The following FARS2 variants were observed in gnomAD, a reference collection of about 807,000 sequenced individuals.
The protein encoded by FARS2 is phenylalanine--tRNA ligase, mitochondrial.
A neutral mutation model predicts 46.4 loss-of-function variants in FARS2; 40 were observed. The observed-to-expected ratio is 0.86, with a 90% CI of 0.67 to 1.12. FARS2 has a LOEUF of 1.12. Among genes scored for constraint, FARS2 ranks in the 50% most tolerant of loss-of-function variants. The probability of loss-of-function intolerance (pLI) is 0.00; values close to 1 mark genes in which losing one functional copy is unlikely to be tolerated. For synonymous variants in FARS2, 234 were observed against 214.9 expected, an observed-to-expected ratio of 1.09 and a Z score of -0.78; for missense variants, 513 against 567.9, an observed-to-expected ratio of 0.90 and a Z score of 0.98.
chr6:5,273,410 T>C (rs1244056987), intron 1 of FARS2, among the ~76,000 whole-genome samples: 9 of 152,220 alleles, frequency 5.9e-5, no homozygotes, highest in Admixed American at 3.9e-4. Flanking sequence ...ATTTCTCTGA[T>C]GATTAGTGAT....
At chr6:5,502,667 A>T (rs866647520) in intron 4 of FARS2, among the ~76,000 whole-genome samples, 1 of 152,236 alleles carries the variant, frequency 6.6e-6, no homozygotes, top group South Asian at 2.1e-4. Context: ...GCATTTTTGC[A>T]TATTGTTTTC....
rs144175346 is a variant in FARS2, at chr6:5,398,758, G to A, written c.613-5784G>A. On this transcript the variant is annotated intron_variant, in intron 2 of 6. Transcript: ENST00000274680. ...ATTCATATGAGTACCTCCAATCTAA[G>A]CCAACACCACATGGCTCATTCTAGC... Among the ~76,000 whole-genome samples the A allele has an allele frequency of 3.9e-3, 598 of 152,184 alleles. 2 individuals are homozygous for A. Among genetic ancestry groups the A allele is most frequent in the African/African-American group, 0.014 (579 of 41,510 alleles).
intron 3 of FARS2, among the ~76,000 whole-genome samples, chr6:5,424,920 G>C (rs78517203): frequency 1.4e-3 from 217 of 152,296 alleles, no homozygotes; most frequent in Middle Eastern, 6.8e-3. Context: ...GCGGCTGCAC[G>C]ATTTCCCGTG....
intron 1 of FARS2, among the ~76,000 whole-genome samples, chr6:5,280,548 T>C (rs1487993652): frequency 6.6e-6 from 1 of 152,188 alleles, no homozygotes; most frequent in Non-Finnish European, 1.5e-5. Flanking sequence ...TAAACTAAAA[T>C]CATTTTCTAG....
At chr6:5,563,574 CCTT>C (rs1159637637) in intron 5 of FARS2, among the ~76,000 whole-genome samples, 2 of 152,152 alleles carry the variant, frequency 1.3e-5, no homozygotes, top group African/African-American at 2.4e-5. Context: ...GGGGATGACT[CCTT>C]CTGGCTACTT....
At chr6:5,272,342 G>T (rs1351232742) in intron 1 of FARS2, 1 of 152,020 alleles carries the variant, frequency 6.6e-6, no homozygotes, top group African/African-American at 2.4e-5. Context: ...AGTTTTTCTT[G>T]TTGAATTAAT....
At chr6:5,279,886 C>G (rs979714884) in intron 1 of FARS2, among the ~76,000 whole-genome samples, 27 of 152,192 alleles carry the variant, frequency 1.8e-4, no homozygotes, top group African/African-American at 6.5e-4. Context: ...TCTGCTGATT[C>G]AAGTGTTAAT....
At chr6:5,262,499 G>C (rs1309948280) in intron 1 of FARS2, among the ~76,000 whole-genome samples, 1 of 152,012 alleles carries the variant, frequency 6.6e-6, no homozygotes, top group Non-Finnish European at 1.5e-5. Flanking sequence ...GGCTGGTCTC[G>C]AACTCCTGAC....
At chr6:5,606,077 A>C (rs1235511578) in intron 5 of FARS2, among the ~76,000 whole-genome samples, 1 of 152,100 alleles carries the variant, frequency 6.6e-6, no homozygotes, top group Non-Finnish European at 1.5e-5. Context: ...GAAGCTCCGC[A>C]GTATGGATTA....
intron 4 of FARS2, among the ~76,000 whole-genome samples, chr6:5,486,645 A>C (rs1191660362): frequency 1.3e-5 from 2 of 152,170 alleles, no homozygotes; most frequent in South Asian, 4.1e-4. Context: ...GAACAACAGG[A>C]CTTTTAAAAT....
At position 5,343,210 on chromosome 6, in the gene FARS2, TTATC is replaced by T. The variant is rs1432514887; in HGVS notation, c.-21-25336_-21-25333del. ...AGACAAAACTGTACATTTCATTTAT[TTATC>T]TATTTATTTATTTAGAGATGGAATT... On this transcript the variant is annotated intron_variant, in intron 1 of 6. Transcript: ENST00000274680. The surrounding 1 kb of genome is among the most constrained non-coding windows in gnomAD (Gnocchi z 4.5). Among the ~76,000 whole-genome samples the T allele has an allele frequency of 4.6e-5, 7 of 152,278 alleles. No individual in the cohort carries two copies. The highest frequency in any genetic ancestry group is 1.3e-4 in the Admixed American group (2 of 15,290).
intron 5 of FARS2, among the ~76,000 whole-genome samples, chr6:5,598,939 C>T (rs969553705): frequency 7.2e-5 from 11 of 152,174 alleles, no homozygotes; most frequent in Non-Finnish European, 1.3e-4. Context: ...GCTCCTTTTC[C>T]TCTGTACACT....
At chr6:5,389,035 G>T (rs1266832621) in intron 2 of FARS2, among the ~76,000 whole-genome samples, 3 of 152,036 alleles carry the variant, frequency 2.0e-5, no homozygotes, top group African/African-American at 7.3e-5. Flanking sequence ...CACATCCACA[G>T]ATGTCAAAGA....
At chr6:5,551,951 C>T (rs1771396042) in intron 5 of FARS2, among the ~76,000 whole-genome samples, 2 of 152,202 alleles carry the variant, frequency 1.3e-5, no homozygotes. Context: ...GAACATCCTT[C>T]CTTAATTATA....
At chr6:5,450,727 G>A (rs1268448721) in intron 4 of FARS2, among the ~76,000 whole-genome samples, 1 of 152,178 alleles carries the variant, frequency 6.6e-6, no homozygotes, top group African/African-American at 2.4e-5. Context: ...ACAAGGGACA[G>A]CCTGTTCAAA....
chr6:5,719,425 A>AAAGG, intron 6 of FARS2, among the ~76,000 whole-genome samples: 1 of 149,516 alleles, frequency 6.7e-6, no homozygotes, highest in Non-Finnish European at 1.5e-5. Context: ...AGAAGAAAGA[A>AAAGG]AAAGAAAGGA....
chr6:5,580,289 C>CAAAAA (rs35150084), intron 5 of FARS2, among the ~76,000 whole-genome samples: 9 of 105,140 alleles, frequency 8.6e-5, no homozygotes, highest in Non-Finnish European at 1.1e-4. Context: ...GACTCCGTCT[C>CAAAAA]AAAAAAAAAA....
In FARS2 at chr6:5,347,169, C is replaced by G. The variant is rs113008126; in HGVS notation, c.-21-21381C>G. Among the ~76,000 whole-genome samples, 1,024 of 152,228 alleles carry G rather than the reference C, an allele frequency of 6.7e-3. 11 individuals are homozygous for G. Among genetic ancestry groups the G allele is most frequent in the African/African-American group, 0.024 (983 of 41,544 alleles). On this transcript the variant is annotated intron_variant, in intron 1 of 6. Coordinates refer to ENST00000274680, the MANE Select transcript of FARS2 (RefSeq NM_006567.5). ...CCTCAGGTGACCCTCCCACCTTGGC[C>G]CCCCGAAGTGTGGGGATTACAGGCG...
rs1458856119 is a variant in FARS2 at position 5,567,924 on chromosome 6, C to T, written c.1065+22584C>T. Among the ~76,000 whole-genome samples, 3 of 152,234 alleles carry T rather than the reference C, an allele frequency of 2.0e-5. No individual in the cohort carries two copies. In the East Asian group the frequency reaches 5.8e-4, roughly 29 times the overall value. On this transcript the variant is annotated intron_variant, in intron 5 of 6. Transcript: ENST00000274680. ...AAAGGCCACTCCTTATTCTAGGATG[C>T]TATGAAAGTGAGTAGGATTTTCCTA... is the stretch of plus-strand genomic sequence containing the variant.
Sources: gnomAD v4.1 joint callset for allele counts (sites outside exome capture counted in the v4.1 genomes callset) on GRCh38, gnomAD v4.1.1 for gene constraint, Gnocchi (gnomAD v3.1) non-coding constraint, MANE v1.5 for transcripts, NCBI Gene and HGNC (gene_info 2026-07-23, HGNC 2026-07-21) for gene names.